Variants in CPQ observed in about 807,000 individuals in gnomAD.
CPQ encodes the protein carboxypeptidase Q.
In CPQ, 37 loss-of-function variants were observed where a neutral mutation model predicts 45.7. The ratio of observed to expected loss-of-function variants is 0.81; its 90% CI spans 0.62 to 1.07. The LOEUF is 1.07. CPQ is among the 50% of genes least tolerant of loss of function. The pLI, the probability that CPQ is intolerant of heterozygous loss-of-function variation, is 0.00. For synonymous variants in CPQ, 186 were observed against 205.8 expected, an observed-to-expected ratio of 0.90 and a Z score of 0.82; for missense variants, 537 against 572.9, an observed-to-expected ratio of 0.94 and a Z score of 0.64.
At chr8:96,885,058 A>G (rs1412195479) in intron 4 of CPQ, among the ~76,000 whole-genome samples, 1 of 152,196 alleles carries the variant, frequency 6.6e-6, no homozygotes, top group Non-Finnish European at 1.5e-5. Context: ...CTATTGAAGA[A>G]TATCATAGAA....
At chr8:96,995,352 A>G (rs1809160421) in intron 5 of CPQ, among the ~76,000 whole-genome samples, 1 of 152,076 alleles carries the variant, frequency 6.6e-6, no homozygotes, top group South Asian at 2.1e-4. Context: ...GCTGAATATG[A>G]GAGAACTGTT....
intron 4 of CPQ, among the ~76,000 whole-genome samples, chr8:96,884,493 G>GGTGA (rs1812273429): frequency 6.6e-6 from 1 of 152,092 alleles, no homozygotes; most frequent in African/African-American, 2.4e-5. Flanking sequence ...TAAATGCTGA[G>GGTGA]GTGAGTAATC....
At chr8:97,094,416 A>G (rs906155580) in intron 7 of CPQ, among the ~76,000 whole-genome samples, 1 of 152,164 alleles carries the variant, frequency 6.6e-6, no homozygotes, top group African/African-American at 2.4e-5. Flanking sequence ...TGGACATCTT[A>G]GATCAATTCA....
intron 3 of CPQ, among the ~76,000 whole-genome samples, chr8:96,852,964 T>C (rs757806463): frequency 1.2e-4 from 18 of 152,244 alleles, no homozygotes; most frequent in Non-Finnish European, 1.9e-4. Flanking sequence ...TTGTTATTTA[T>C]GCTTATTACT....
At chr8:96,871,531 GTTTTTTTTTT>G (rs529360931) in intron 3 of CPQ, among the ~76,000 whole-genome samples, 2 of 107,024 alleles carry the variant, frequency 1.9e-5, no homozygotes, top group African/African-American at 7.0e-5. Context: ...TTGCTTCCAG[GTTTTTTTTTT>G]TTTTTTTTTT....
intron 1 of CPQ, among the ~76,000 whole-genome samples, chr8:96,676,376 G>A (rs908362568): frequency 2.6e-5 from 4 of 151,836 alleles, no homozygotes; most frequent in African/African-American, 9.7e-5. Context: ...TTCTTTATGT[G>A]AATTTATTCC....
intron 1 of CPQ, among the ~76,000 whole-genome samples, chr8:96,771,594 G>C (rs565843145): frequency 6.6e-6 from 1 of 152,200 alleles, no homozygotes; most frequent in African/African-American, 2.4e-5. Flanking sequence ...TAGGTGCCCA[G>C]GAGGACATGA....
chr8:96,880,813 TAC>T lies in CPQ; in HGVS notation c.849+809_849+810del, dbSNP rs1812214351. Among the ~76,000 whole-genome samples, 4 of 152,120 alleles carry T rather than the reference TAC, an allele frequency of 2.6e-5. No homozygotes were observed. In the South Asian group the frequency reaches 8.3e-4, roughly 32 times the overall value. Reference sequence around the variant, plus strand: ...AGAGGGAAGCAAGGTTTAAAAAAACTACCTGTTGGGTACTACATTACTCTTTG... The same window carrying T: ...AGAGGGAAGCAAGGTTTAAAAAAACTCTGTTGGGTACTACATTACTCTTTG... On this transcript the variant is annotated intron_variant, in intron 4 of 7. Coordinates refer to ENST00000220763, the MANE Select transcript of CPQ (RefSeq NM_016134.4).
intron 2 of CPQ, among the ~76,000 whole-genome samples, chr8:96,803,838 G>A (rs1318199429): frequency 6.6e-6 from 1 of 152,162 alleles, no homozygotes; most frequent in Non-Finnish European, 1.5e-5. Flanking sequence ...TTATGGCAAG[G>A]GCTGCCTGTA....
intron 1 of CPQ, among the ~76,000 whole-genome samples, chr8:96,715,702 C>T (rs1470071745): frequency 1.3e-5 from 2 of 152,138 alleles, no homozygotes; most frequent in Non-Finnish European, 2.9e-5. Context: ...AGAAACTTCC[C>T]ACAAGCAGAA....
chr8:96,761,769 C>T (rs1318483755), intron 1 of CPQ, among the ~76,000 whole-genome samples: 1 of 152,158 alleles, frequency 6.6e-6, no homozygotes, highest in Non-Finnish European at 1.5e-5. Context: ...ATATTAAGTC[C>T]TTAGGACTTT....
At chr8:96,752,062 G>C (rs2130786139) in intron 1 of CPQ, among the ~76,000 whole-genome samples, 1 of 152,164 alleles carries the variant, frequency 6.6e-6, no homozygotes, top group South Asian at 2.1e-4. Flanking sequence ...TTTTAAGGTG[G>C]GTAGCATGAT....
At chr8:96,659,483 C>T (rs1014112728) in intron 1 of CPQ, among the ~76,000 whole-genome samples, 3 of 152,108 alleles carry the variant, frequency 2.0e-5, no homozygotes, top group East Asian at 3.8e-4. Context: ...TGCTGACTTC[C>T]GAGTTCTTTA....
chr8:97,029,319 C>A, intron 5 of CPQ, 84 bp from the exon 6 acceptor site: 2 of 1,303,122 alleles, frequency 1.5e-6, no homozygotes, highest in Non-Finnish European at 1.1e-6. Flanking sequence ...CCTTCCTCCA[C>A]AAGGCAGATG....
In CPQ at chr8:96,795,807, A is replaced by T. The variant is rs1010099773; in HGVS notation, c.433+10477A>T. The stretch of plus-strand genomic sequence containing the variant: ...TTAAAGGAAATTTTATGTTTTTAAT[A>T]AATGACATATAAAGGAGGAATCATT... On this transcript the variant is annotated intron_variant, in intron 2 of 7. Coordinates refer to ENST00000220763, the MANE Select transcript of CPQ (RefSeq NM_016134.4). Among the ~76,000 whole-genome samples, 8 of 152,240 alleles carry T rather than the reference A, an allele frequency of 5.3e-5. No homozygotes were observed. The East Asian group carries it at 1.5e-3, about 29-fold the overall frequency.
chr8:97,017,269 C>T (rs969467146), intron 5 of CPQ, among the ~76,000 whole-genome samples: 5 of 152,166 alleles, frequency 3.3e-5, no homozygotes, highest in Non-Finnish European at 5.9e-5. Context: ...GGCTCGCTGG[C>T]TCCCCTAGCA....
intron 1 of CPQ, among the ~76,000 whole-genome samples, chr8:96,713,673 G>A (rs1809641857): frequency 6.6e-6 from 1 of 151,982 alleles, no homozygotes; most frequent in Non-Finnish European, 1.5e-5. Context: ...CAGTGCATGG[G>A]GATTATGGGA....
chr8:96,870,096 G>A (rs11989171), intron 3 of CPQ, among the ~76,000 whole-genome samples: 6,031 of 152,064 alleles, frequency 0.04, 199 homozygotes, highest in African/African-American at 0.082. Flanking sequence ...AATATGGGTG[G>A]TGATGATCAT....
intron 1 of CPQ, among the ~76,000 whole-genome samples, chr8:96,743,836 C>T (rs1563485824): frequency 6.6e-6 from 1 of 152,256 alleles, no homozygotes; most frequent in African/African-American, 2.4e-5. Context: ...TGCCCATTCT[C>T]AGATCTCCAG....
Sources: gnomAD v4.1 joint callset for allele counts (sites outside exome capture counted in the v4.1 genomes callset) on GRCh38, gnomAD v4.1.1 for gene constraint, MANE v1.5 for transcripts, NCBI Gene and HGNC (gene_info 2026-07-23, HGNC 2026-07-21) for gene names.